PLEKHA5: variants seen among roughly 807,000 people sequenced by gnomAD.
PLEKHA5 encodes the protein pleckstrin homology domain-containing family A member 5.
A neutral mutation model predicts 181.9 loss-of-function variants in PLEKHA5; 55 were observed. That is an observed-to-expected ratio of 0.30 (90% CI 0.24 to 0.38). The LOEUF is 0.38. Among genes scored for constraint, PLEKHA5 ranks in the 10% least tolerant of loss-of-function variants. PLEKHA5 has a pLI of 1.00. For missense variants in PLEKHA5, 1,432 were observed against 1,549.5 expected (o/e 0.92, Z 1.27); for synonymous variants, 535 against 529.4 (o/e 1.01, Z -0.15).
At chr12:19,224,001 T>C (rs1285693242) in intron 3 of PLEKHA5, among the ~76,000 whole-genome samples, 3 of 152,196 alleles carry the variant, frequency 2.0e-5, no homozygotes, top group African/African-American at 4.8e-5. Flanking sequence ...AACCTTCTGA[T>C]ACAGAATTAG....
At chr12:19,131,783 TTAA>T (rs746144351) in intron 2 of PLEKHA5, among the ~76,000 whole-genome samples, 1 of 152,188 alleles carries the variant, frequency 6.6e-6, no homozygotes, top group African/African-American at 2.4e-5. Flanking sequence ...CAACTTGTCA[TTAA>T]TAATAATATG....
rs140516967 is a variant in PLEKHA5 at position 19,330,085 on chromosome 12, C to T, written c.2449-6430C>T. On this transcript the variant is annotated intron_variant, in intron 20 of 31. Transcript: ENST00000429027. ...AACAAAAGAAAATCCACAAAAAAGC[C>T]AACAGAAGTGTGGCGCAGTAATAGT... 4.6e-3 allele frequency among the ~76,000 whole-genome samples: 697 copies of T among 152,238 alleles called. 4 individuals are homozygous for T. The highest frequency in any genetic ancestry group is 0.016 in the African/African-American group (669 of 41,534).
chr12:19,144,477 C>T lies in PLEKHA5; in HGVS notation c.227+12027C>T, dbSNP rs148234330. On this transcript the variant is annotated intron_variant, in intron 3 of 31. Coordinates refer to ENST00000429027, the MANE Select transcript of PLEKHA5 (RefSeq NM_001256470.2). ...TAGGAGAACAGACCACAGTTTTAGA[C>T]ACTTATAAAACTTCTGCTTATATCA... Among the ~76,000 whole-genome samples the T allele has an allele frequency of 5.3e-3, 790 of 148,154 alleles. 7 individuals carry two copies. Among genetic ancestry groups the T allele is most frequent in the African/African-American group, 0.02 (764 of 38,278 alleles).
rs1434383688 is a variant in PLEKHA5 at position 19,265,867 on chromosome 12, GT to G, written c.711+22del. On this transcript the variant is annotated intron_variant, in intron 8 of 31. Coordinates refer to ENST00000429027, the MANE Select transcript of PLEKHA5 (RefSeq NM_001256470.2). ...GCTTTTAAGGTAAGGAAATAATGCA[GT>G]TTTTAATTCTGTGTTCAAAACTTGC... 1 of 1,399,010 alleles carries G rather than the reference GT, an allele frequency of 7.1e-7. No individual in the cohort carries two copies. The highest frequency in any genetic ancestry group is 1.0e-6 in the Non-Finnish European group (1 of 992,672). The allele number at this position is 1,399,010 out of a possible 1,614,324, so 86.7% of individuals were successfully genotyped here.
intron 11 of PLEKHA5, among the ~76,000 whole-genome samples, chr12:19,280,036 GTTTTTTTTT>G (rs869050795): frequency 3.7e-5 from 2 of 54,492 alleles, no homozygotes; most frequent in African/African-American, 6.8e-5. Context: ...AATGAAACCT[GTTTTTTTTT>G]TTTTTTTTTT....
intron 15 of PLEKHA5, among the ~76,000 whole-genome samples, chr12:19,304,052 A>G (rs2082393958): frequency 6.7e-6 from 1 of 150,270 alleles, no homozygotes; most frequent in Non-Finnish European, 1.5e-5. Context: ...CAAGTGATCC[A>G]CCTGCCTTGG....
chr12:19,144,656 A>G (rs960052806), intron 3 of PLEKHA5, among the ~76,000 whole-genome samples: 3 of 152,210 alleles, frequency 2.0e-5, no homozygotes, highest in African/African-American at 4.8e-5. Context: ...CTGTTTAGCG[A>G]TAACTGTTTG....
At position 19,274,549 on chromosome 12, in the gene PLEKHA5, TAAAGAAACCAATAAC is replaced by T; in HGVS notation, c.881_895del (p.Lys294_Asn298del). The T allele has an allele frequency of 5.0e-6, 8 of 1,609,650 alleles. No individual in the cohort carries two copies. The highest frequency in any genetic ancestry group is 6.8e-6 in the Non-Finnish European group (8 of 1,178,056). Reference sequence around the variant, plus strand: ...AGATTACATCTGAAAATGCACCAACTAAAGAAACCAATAACATTCCCAACCATAGAGTGCTAATTA... The same window carrying T: ...AGATTACATCTGAAAATGCACCAACTATTCCCAACCATAGAGTGCTAATTA... On this transcript the variant is annotated inframe_deletion, in exon 11 of 32. Transcript: ENST00000429027.
At chr12:19,247,083 C>T (rs186191806) in intron 3 of PLEKHA5, among the ~76,000 whole-genome samples, 3 of 152,300 alleles carry the variant, frequency 2.0e-5, no homozygotes, top group South Asian at 2.1e-4. Flanking sequence ...TTGGCATCCT[C>T]CTTTGTATGT....
At chr12:19,170,249 G>A (rs1316446815) in intron 3 of PLEKHA5, among the ~76,000 whole-genome samples, 1 of 152,116 alleles carries the variant, frequency 6.6e-6, no homozygotes, top group African/African-American at 2.4e-5. Flanking sequence ...TATGTGGATG[G>A]CTTATATGGA....
At chr12:19,282,361 G>T (rs2076367350) in intron 11 of PLEKHA5, among the ~76,000 whole-genome samples, 1 of 152,184 alleles carries the variant, frequency 6.6e-6, no homozygotes, top group East Asian at 1.9e-4. Context: ...GAAATATTGT[G>T]ATATTTAAGT....
At chr12:19,231,224 C>A (rs970958302) in intron 3 of PLEKHA5, among the ~76,000 whole-genome samples, 9 of 151,906 alleles carry the variant, frequency 5.9e-5, no homozygotes, top group Non-Finnish European at 2.9e-5. Flanking sequence ...ATGTTTAATT[C>A]TATTCCTACA....
chr12:19,202,366 T>C (rs1184243992), intron 3 of PLEKHA5, among the ~76,000 whole-genome samples: 1 of 152,100 alleles, frequency 6.6e-6, no homozygotes, highest in Non-Finnish European at 1.5e-5. Flanking sequence ...GTGCTAGCTG[T>C]CATTCATCAC....
intron 31 of PLEKHA5, chr12:19,372,313 T>G (rs543015899): frequency 2.0e-5 from 3 of 152,178 alleles, no homozygotes; most frequent in African/African-American, 7.2e-5. Context: ...CTTGCAGGAA[T>G]AAGGAGGCAT....
chr12:19,261,966 C>G (rs12427026), intron 7 of PLEKHA5, among the ~76,000 whole-genome samples: 21,805 of 152,094 alleles, frequency 0.14, 1,809 homozygotes, highest in Middle Eastern at 0.25. Context: ...CAGAATTAAC[C>G]AACCGTATAA....
intron 3 of PLEKHA5, among the ~76,000 whole-genome samples, chr12:19,222,931 A>G (rs536479701): frequency 2.8e-4 from 43 of 151,420 alleles, no homozygotes; most frequent in South Asian, 1.3e-3. Context: ...AATCCAAGGG[A>G]TATTATTAAG....
At chr12:19,288,705 A>G (rs910940274) in intron 13 of PLEKHA5, among the ~76,000 whole-genome samples, 2 of 152,220 alleles carry the variant, frequency 1.3e-5, no homozygotes, top group South Asian at 4.1e-4. Context: ...GATTAAGACT[A>G]AGGACTTTTA....
intron 25 of PLEKHA5, among the ~76,000 whole-genome samples, chr12:19,349,052 GTTTTC>G (rs1271283891): frequency 6.0e-5 from 9 of 150,306 alleles, no homozygotes; most frequent in Non-Finnish European, 1.3e-4. Flanking sequence ...TCCTGGGAGA[GTTTTC>G]TTTTTTTTTT....
chr12:19,312,028 A>G (rs2086723943), intron 15 of PLEKHA5, among the ~76,000 whole-genome samples: 1 of 152,222 alleles, frequency 6.6e-6, no homozygotes, highest in Non-Finnish European at 1.5e-5. Flanking sequence ...TGAAAACCAC[A>G]TTCATCCACT....
Sources: allele counts gnomAD v4.1 joint callset (sites outside exome capture counted in the v4.1 genomes callset), GRCh38; gene constraint gnomAD v4.1.1; transcripts MANE v1.5; gene names NCBI Gene and HGNC (gene_info 2026-07-23, HGNC 2026-07-21).